The following EMSY variants were observed in gnomAD, a reference collection of about 807,000 sequenced individuals.
EMSY encodes BRCA2-interacting transcriptional repressor EMSY.
A neutral mutation model predicts 134.6 loss-of-function variants in EMSY; 26 were observed. The observed-to-expected ratio is 0.19, with a 90% confidence interval of 0.14 to 0.27. The LOEUF is 0.27. EMSY is among the 10% of genes least tolerant of loss of function. The pLI is 1.00. For synonymous variants in EMSY, 579 were observed against 577.8 expected (o/e 1.00, Z -0.03); for missense variants, 1,305 against 1,611.4 (o/e 0.81, Z 3.26).
At chr11:76,497,999 G>A (rs371498069) in intron 9 of EMSY, among the ~76,000 whole-genome samples, 9 of 152,252 alleles carry the variant, frequency 5.9e-5, no homozygotes, top group African/African-American at 2.2e-4. Flanking sequence ...TCGGCACTGT[G>A]TTAGCTGCCT....
intron 3 of EMSY, among the ~76,000 whole-genome samples, chr11:76,452,441 A>G (rs1398640505): frequency 2.0e-5 from 3 of 152,224 alleles, no homozygotes; most frequent in African/African-American, 4.8e-5. Flanking sequence ...GTTACTTAAC[A>G]TTAATATAGG....
exon 19 of EMSY, chr11:76,544,566 C>A (rs771770439): frequency 1.9e-5 from 30 of 1,614,060 alleles, no homozygotes; most frequent in Admixed American, 3.3e-5. Flanking sequence ...AAACTCACCC[C>A]TCTCCAGCAA....
At chr11:76,546,588 G>A (rs1432832484) in intron 20 of EMSY, among the ~76,000 whole-genome samples, 1 of 152,156 alleles carries the variant, frequency 6.6e-6, no homozygotes, top group African/African-American at 2.4e-5. Context: ...AGCTATACTT[G>A]CCAATGTGTT....
Position 76,503,216 on chromosome 11 carries a change from A to G in EMSY, c.1363+6747A>G, listed in dbSNP as rs1318547102. On this transcript the variant is annotated intron_variant, in intron 9 of 20. Transcript: ENST00000334736. Reference sequence around the variant, plus strand: ...CTCGGGAGGCTGAGGCAGGAGAATCACTTGTACCTGAGAGGCGGAGGTTGC... The same window carrying G: ...CTCGGGAGGCTGAGGCAGGAGAATCGCTTGTACCTGAGAGGCGGAGGTTGC... Among the ~76,000 whole-genome samples, 4 of 147,130 alleles carry G rather than the reference A, an allele frequency of 2.7e-5. No individual in the cohort carries two copies. In the South Asian group the frequency reaches 8.6e-4, roughly 31 times the overall value.
At chr11:76,527,354 T>A (rs567762398) in intron 13 of EMSY, among the ~76,000 whole-genome samples, 1 of 152,176 alleles carries the variant, frequency 6.6e-6, no homozygotes, top group Admixed American at 6.5e-5. Context: ...ATAAGCTTTG[T>A]GACAAGTCCA....
exon 16 of EMSY, chr11:76,537,905 A>G (rs777021176): frequency 8.7e-6 from 14 of 1,613,904 alleles, no homozygotes; most frequent in Middle Eastern, 1.7e-4. Context: ...GAGTCCATCA[A>G]TTGCTGTGGT....
At chr11:76,472,669 G>A in exon 8 of EMSY, 1 of 1,614,146 alleles carries the variant, frequency 6.2e-7, no homozygotes, top group Non-Finnish European at 8.5e-7. Context: ...GTCAGTCATT[G>A]CTTCTACAAC....
At chr11:76,486,938 G>GAT (rs1590867821) in intron 8 of EMSY, among the ~76,000 whole-genome samples, 1 of 152,226 alleles carries the variant, frequency 6.6e-6, no homozygotes, top group East Asian at 1.9e-4. Context: ...AATCATGTCA[G>GAT]TTTATACAAT....
intron 9 of EMSY, among the ~76,000 whole-genome samples, chr11:76,508,569 A>G (rs1376249023): frequency 2.6e-5 from 4 of 152,200 alleles, no homozygotes; most frequent in Non-Finnish European, 5.9e-5. Flanking sequence ...CAAGAGAGTC[A>G]GTCTGTTCTT....
chr11:76,462,593 T>C (rs1948169683), intron 6 of EMSY, among the ~76,000 whole-genome samples: 1 of 152,164 alleles, frequency 6.6e-6, no homozygotes, highest in Non-Finnish European at 1.5e-5. Context: ...GGAGATGGCT[T>C]GTAGGATGAT....
At chr11:76,532,729 G>A (rs926812331) in intron 14 of EMSY, among the ~76,000 whole-genome samples, 16 of 152,014 alleles carry the variant, frequency 1.1e-4, no homozygotes, top group South Asian at 2.1e-4. Context: ...CAAACCCAAG[G>A]GCAGAGATTT....
chr11:76,468,226 A>G (rs1590816690), intron 7 of EMSY, among the ~76,000 whole-genome samples: 1 of 151,816 alleles, frequency 6.6e-6, no homozygotes, highest in Non-Finnish European at 1.5e-5. Context: ...CAGACTTGGG[A>G]TGTTTGAAAG....
intron 8 of EMSY, among the ~76,000 whole-genome samples, chr11:76,479,010 C>T (rs185278294): frequency 2.6e-5 from 4 of 151,808 alleles, no homozygotes; most frequent in South Asian, 2.1e-4. Flanking sequence ...TACTAAATAC[C>T]GTATTTTGTC....
intron 11 of EMSY, among the ~76,000 whole-genome samples, chr11:76,521,345 CATG>C (rs1835619562): frequency 6.6e-6 from 1 of 152,102 alleles, no homozygotes; most frequent in South Asian, 2.1e-4. Context: ...AGGTTCTTGG[CATG>C]ATAAGTTTAG....
chr11:76,523,827 T>G (rs1381353442), intron 12 of EMSY, among the ~76,000 whole-genome samples: 1 of 149,768 alleles, frequency 6.7e-6, no homozygotes, highest in African/African-American at 2.5e-5. Context: ...GGAGAATCGC[T>G]TTAGCCCAGG....
chr11:76,552,498 A>G (rs567558135), downstream of EMSY: 22 of 152,242 alleles, frequency 1.4e-4, no homozygotes, highest in Non-Finnish European at 3.2e-4. Context: ...TTAACAAATT[A>G]CAATGCAAAT....
intron 8 of EMSY, among the ~76,000 whole-genome samples, chr11:76,489,322 T>C (rs1810456684): frequency 6.6e-6 from 1 of 151,530 alleles, no homozygotes; most frequent in Admixed American, 6.6e-5. Context: ...TTTCTTTTTT[T>C]TTTTTTTTTT....
At chr11:76,518,167 CT>C (rs35911259) in intron 11 of EMSY, among the ~76,000 whole-genome samples, 130 of 119,512 alleles carry the variant, frequency 1.1e-3, no homozygotes, top group East Asian at 2.2e-3. Context: ...GAAGTACTTT[CT>C]TTTTTTTTTT....
chr11:76,528,761 A>AT (rs1283230054), intron 14 of EMSY, among the ~76,000 whole-genome samples: 2 of 152,012 alleles, frequency 1.3e-5, no homozygotes, highest in Non-Finnish European at 2.9e-5. Context: ...CCAGATGGTA[A>AT]TTTTCATATT....
Sources: gnomAD v4.1 joint callset for allele counts (sites outside exome capture counted in the v4.1 genomes callset) on GRCh38, gnomAD v4.1.1 for gene constraint, MANE v1.5 for transcripts, NCBI Gene and HGNC (gene_info 2026-07-23, HGNC 2026-07-21) for gene names.